The following CWH43 variants were observed in gnomAD, a reference collection of about 807,000 sequenced individuals.
CWH43 encodes PGAP2-interacting protein.
Under a neutral mutation model 85.7 loss-of-function variants are expected in CWH43, and 91 were observed. That is an observed-to-expected ratio of 1.06 (90% CI 0.90 to 1.26). CWH43 has a LOEUF of 1.26. Among genes scored for constraint, CWH43 ranks in the 50% most tolerant of loss-of-function variants. CWH43 has a pLI of 0.00. For missense variants in CWH43, 869 were observed against 839.2 expected (o/e 1.04, Z -0.44); for synonymous variants, 323 against 293.6 (o/e 1.10, Z -1.02).
chr4:48,987,266 T>C (rs1361660645), intron 1 of CWH43, among the ~76,000 whole-genome samples: 1 of 152,080 alleles, frequency 6.6e-6, no homozygotes, highest in African/African-American at 2.4e-5. Context: ...AGTTGGGAGA[T>C]GTACAGTGCC....
At chr4:49,041,338 G>T (rs564918760) in intron 13 of CWH43, among the ~76,000 whole-genome samples, 1 of 152,258 alleles carries the variant, frequency 6.6e-6, no homozygotes, top group South Asian at 2.1e-4. Flanking sequence ...CTTGGGCAGT[G>T]TGGCCATTTT....
At chr4:49,011,983 G>C (rs185036582) in intron 8 of CWH43, among the ~76,000 whole-genome samples, 62 of 152,166 alleles carry the variant, frequency 4.1e-4, no homozygotes, top group African/African-American at 1.4e-3. Context: ...ATATCTTTGT[G>C]GTGTTCTCTG....
intron 12 of CWH43, 124 bp downstream of exon 12, chr4:49,032,839 C>A: frequency 8.3e-7 from 1 of 1,206,676 alleles, no homozygotes; most frequent in Non-Finnish European, 1.2e-6. Flanking sequence ...GTATTTCTCC[C>A]TGCGTTGCTG....
intron 10 of CWH43, among the ~76,000 whole-genome samples, chr4:49,030,560 G>C (rs1352173079): frequency 1.3e-5 from 2 of 152,150 alleles, no homozygotes; most frequent in Non-Finnish European, 2.9e-5. Flanking sequence ...GAAATTTTGG[G>C]AATGATGTTG....
intron 13 of CWH43, among the ~76,000 whole-genome samples, chr4:49,039,457 G>A (rs1263341109): frequency 7.3e-6 from 1 of 136,768 alleles, no homozygotes; most frequent in Non-Finnish European, 1.5e-5. Context: ...ATACTATAAT[G>A]CCAAATGAAT....
At chr4:49,015,005 C>G (rs1317436750) in intron 8 of CWH43, among the ~76,000 whole-genome samples, 1 of 152,126 alleles carries the variant, frequency 6.6e-6, no homozygotes, top group Non-Finnish European at 1.5e-5. Context: ...ACTTTCTCTG[C>G]CCTAAACATC....
chr4:49,021,986 T>C (rs1233420465), intron 9 of CWH43, among the ~76,000 whole-genome samples: 3 of 152,166 alleles, frequency 2.0e-5, no homozygotes, highest in African/African-American at 7.2e-5. Flanking sequence ...TATACCATTA[T>C]GTCATCTGCA....
chr4:49,017,363 A>G lies in CWH43; in HGVS notation c.1266+35A>G, dbSNP rs776094638. On this transcript the variant is annotated intron_variant, in intron 9 of 15. Transcript: ENST00000226432. Reference sequence around the variant, plus strand: ...TAAAAACCTTGAAATAGAATTTTATATGGTATATATATGTGCATATATTTG... The same window carrying G: ...TAAAAACCTTGAAATAGAATTTTATGTGGTATATATATGTGCATATATTTG... 7.9e-6 allele frequency: 11 copies of G among 1,389,884 alleles called. No individual in the cohort carries two copies. The African/African-American group carries it at 1.3e-4, about 16-fold the overall frequency. The allele number at this position is 1,389,884 out of a possible 1,614,324, so 86.1% of individuals were successfully genotyped here.
intron 8 of CWH43, among the ~76,000 whole-genome samples, chr4:49,012,784 T>C (rs758285323): frequency 1.3e-5 from 2 of 152,252 alleles, no homozygotes; most frequent in Non-Finnish European, 2.9e-5. Flanking sequence ...GACGTTTGCC[T>C]GGGTATCACC....
chr4:49,046,968 G>A (rs576978784), intron 14 of CWH43, among the ~76,000 whole-genome samples: 1 of 152,242 alleles, frequency 6.6e-6, no homozygotes, highest in Non-Finnish European at 1.5e-5. Flanking sequence ...ACAATGTGGG[G>A]AGCCCTGGTG....
intron 9 of CWH43, among the ~76,000 whole-genome samples, chr4:49,021,970 T>A (rs1783762522): frequency 1.3e-5 from 2 of 152,164 alleles, no homozygotes; most frequent in South Asian, 4.1e-4. Context: ...TTTGGGGTTT[T>A]CCAGGTATAC....
At chr4:49,021,537 CT>C (rs1213378629) in intron 9 of CWH43, among the ~76,000 whole-genome samples, 1 of 151,924 alleles carries the variant, frequency 6.6e-6, no homozygotes, top group African/African-American at 2.4e-5. Flanking sequence ...TATGCAGACT[CT>C]TTTTTTGTTC....
chr4:49,028,369 A>G (rs1310774895), intron 9 of CWH43, among the ~76,000 whole-genome samples: 3 of 152,144 alleles, frequency 2.0e-5, no homozygotes, highest in Non-Finnish European at 4.4e-5. Context: ...TTTTACTGTT[A>G]TAAGCAGTGC....
At chr4:49,058,829 T>C (rs887609628) in intron 15 of CWH43, among the ~76,000 whole-genome samples, 1 of 152,244 alleles carries the variant, frequency 6.6e-6, no homozygotes, top group Non-Finnish European at 1.5e-5. Flanking sequence ...AACACACTGA[T>C]AGTCTTATAG....
chr4:49,001,810 A>G (rs1023837079), intron 6 of CWH43, among the ~76,000 whole-genome samples: 2 of 152,160 alleles, frequency 1.3e-5, no homozygotes, highest in African/African-American at 4.8e-5. Flanking sequence ...TATTATTCTA[A>G]CGTCTTTAGA....
chr4:49,007,082 A>T, intron 7 of CWH43, 119 bp from the exon 8 acceptor site: 1 of 1,141,060 alleles, frequency 8.8e-7, no homozygotes, highest in Non-Finnish European at 1.2e-6. Context: ...GAGATAAATT[A>T]AATCAGTACA....
At chr4:49,025,199 G>T (rs1485620699) in intron 9 of CWH43, among the ~76,000 whole-genome samples, 2 of 151,570 alleles carry the variant, frequency 1.3e-5, no homozygotes, top group South Asian at 2.1e-4. Flanking sequence ...TCTAGAAGTT[G>T]TGATTGTTTT....
At chr4:49,031,807 G>T (rs1455431241) in intron 11 of CWH43, among the ~76,000 whole-genome samples, 1 of 152,162 alleles carries the variant, frequency 6.6e-6, no homozygotes, top group African/African-American at 2.4e-5. Flanking sequence ...GTCAGGGGAG[G>T]GGAAGGAAGA....
At chr4:49,007,990 A>AATGG (rs1783221207) in intron 8 of CWH43, among the ~76,000 whole-genome samples, 1 of 152,194 alleles carries the variant, frequency 6.6e-6, no homozygotes, top group South Asian at 2.1e-4. Flanking sequence ...CATACCCAGT[A>AATGG]ATGGGATGGC....
Sources: allele counts gnomAD v4.1 joint callset (sites outside exome capture counted in the v4.1 genomes callset), GRCh38; gene constraint gnomAD v4.1.1; transcripts MANE v1.5; gene names NCBI Gene and HGNC (gene_info 2026-07-23, HGNC 2026-07-21).